ACCSL: variants seen among roughly 807,000 people sequenced by gnomAD.
The protein encoded by ACCSL is probable inactive 1-aminocyclopropane-1-carboxylate synthase-like protein 2.
In ACCSL, 55 loss-of-function variants were observed where a neutral mutation model predicts 61.7. That is an observed-to-expected ratio of 0.89 (90% CI 0.72 to 1.12). The LOEUF is 1.12. Among genes scored for constraint, ACCSL ranks in the 50% most tolerant of loss-of-function variants. ACCSL has a pLI of 0.00. For synonymous variants in ACCSL, 258 were observed against 264.3 expected, an observed-to-expected ratio of 0.98 and a Z score of 0.23; for missense variants, 632 against 698.0, an observed-to-expected ratio of 0.91 and a Z score of 1.07.
At chr11:44,012,253 C>T in the ACCSL span, among the ~76,000 whole-genome samples, 4 of 151,806 alleles carry the variant, frequency 2.6e-5, no homozygotes, top group Non-Finnish European at 5.9e-5. Flanking sequence ...AACAGGCTCT[C>T]TTATATACTC....
At chr11:44,049,670 G>A (rs560456357) in intron 1 of ACCSL, among the ~76,000 whole-genome samples, 1 of 152,262 alleles carries the variant, frequency 6.6e-6, no homozygotes, top group South Asian at 2.1e-4. Context: ...AGGCTCAGGC[G>A]TCAGGTAGGT....
chr11:43,969,838 C>T, the ACCSL span, among the ~76,000 whole-genome samples: 7 of 152,286 alleles, frequency 4.6e-5, no homozygotes, highest in South Asian at 2.1e-4. Flanking sequence ...TGTCAGCACC[C>T]GTCCTCAGCC....
chr11:43,951,096 C>T, the ACCSL span, among the ~76,000 whole-genome samples: 4 of 152,124 alleles, frequency 2.6e-5, no homozygotes, highest in African/African-American at 9.7e-5. Flanking sequence ...TCAACCAAGC[C>T]CATAGCACTA....
At chr11:43,975,137 A>G in the ACCSL span, among the ~76,000 whole-genome samples, 2 of 152,158 alleles carry the variant, frequency 1.3e-5, no homozygotes, top group Non-Finnish European at 2.9e-5. Context: ...GTTCTGAAAA[A>G]ACTGTTTATA....
the ACCSL span, among the ~76,000 whole-genome samples, chr11:43,937,570 C>A: frequency 0.23 from 35,134 of 152,072 alleles, 4,261 homozygotes; most frequent in Middle Eastern, 0.32. Context: ...TTTCCTCCTA[C>A]CCTGTTGAAC....
the ACCSL span, among the ~76,000 whole-genome samples, chr11:44,036,292 T>C: frequency 6.1e-3 from 928 of 152,350 alleles, 3 homozygotes; most frequent in Non-Finnish European, 0.01. Flanking sequence ...GGCCCAGGAA[T>C]CTGTGAAGAG....
At chr11:43,973,618 T>C in the ACCSL span, among the ~76,000 whole-genome samples, 1 of 152,134 alleles carries the variant, frequency 6.6e-6, no homozygotes, top group Non-Finnish European at 1.5e-5. Flanking sequence ...ATTGCATTAA[T>C]ATACAAGGGA....
chr11:43,942,512 C>T, the ACCSL span: 1 of 230,082 alleles, frequency 4.3e-6, no homozygotes, highest in Non-Finnish European at 8.9e-6. Context: ...CCCAGAGCGG[C>T]GGGGCGACGT....
At chr11:43,925,205 T>G in the ACCSL span, 1 of 330,558 alleles carries the variant, frequency 3.0e-6, no homozygotes, top group Non-Finnish European at 6.1e-6. Context: ...GCTGGTGAAC[T>G]CCCGTGCACA....
At chr11:43,957,057 A>C in the ACCSL span, among the ~76,000 whole-genome samples, 1 of 152,162 alleles carries the variant, frequency 6.6e-6, no homozygotes, top group African/African-American at 2.4e-5. Flanking sequence ...CGAAGGAACA[A>C]TCCATCTTGT....
the ACCSL span, among the ~76,000 whole-genome samples, chr11:43,972,362 G>T: frequency 1.3e-5 from 2 of 152,178 alleles, no homozygotes; most frequent in African/African-American, 4.8e-5. Flanking sequence ...TATAGAAATA[G>T]CTCTGGGCTT....
the ACCSL span, among the ~76,000 whole-genome samples, chr11:43,947,949 A>G: frequency 6.6e-6 from 1 of 152,162 alleles, no homozygotes; most frequent in African/African-American, 2.4e-5. Context: ...CTGTCCAAGG[A>G]GTCACCTCTG....
At chr11:44,007,098 A>G in the ACCSL span, among the ~76,000 whole-genome samples, 1 of 151,962 alleles carries the variant, frequency 6.6e-6, no homozygotes, top group Non-Finnish European at 1.5e-5. Flanking sequence ...TGGCGGGACA[A>G]TTTTGCCCAT....
chr11:44,058,299 T>C lies in ACCSL; in HGVS notation c.1328-18T>C. The C allele has an allele frequency of 6.2e-7, 1 of 1,613,890 alleles. No individual in the cohort carries two copies. The highest frequency in any genetic ancestry group is 8.5e-7 in the Non-Finnish European group (1 of 1,179,842). ...CTGTAGTAATATCTGTGACAGTGTTTTTCCTCTACCCATCCAGAATGGATT... is the reference window on the plus strand; with the variant it reads ...CTGTAGTAATATCTGTGACAGTGTTCTTCCTCTACCCATCCAGAATGGATT... On this transcript the variant is annotated intron_variant, in intron 11 of 13. Coordinates refer to ENST00000378832, the MANE Select transcript of ACCSL (RefSeq NM_001031854.2).
upstream of ACCSL, among the ~76,000 whole-genome samples, chr11:44,045,194 T>TA (rs1316628835): frequency 6.6e-6 from 1 of 152,014 alleles, no homozygotes; most frequent in East Asian, 1.9e-4. Flanking sequence ...TCCTAGCACT[T>TA]AGGGAGGCTG....
At chr11:43,929,479 C>T in the ACCSL span, among the ~76,000 whole-genome samples, 2 of 152,128 alleles carry the variant, frequency 1.3e-5, no homozygotes, top group African/African-American at 2.4e-5. Flanking sequence ...ACGATCTTGG[C>T]CCACTGTAAA....
At chr11:43,997,206 G>T in the ACCSL span, among the ~76,000 whole-genome samples, 1 of 151,968 alleles carries the variant, frequency 6.6e-6, no homozygotes, top group African/African-American at 2.4e-5. Flanking sequence ...TTAGAATCTC[G>T]GAGGCGTGGA....
At chr11:43,954,591 T>TC in the ACCSL span, among the ~76,000 whole-genome samples, 3 of 150,188 alleles carry the variant, frequency 2.0e-5, no homozygotes, top group African/African-American at 7.3e-5. Flanking sequence ...TTTCTTTCTT[T>TC]TTTTTTTTTT....
the ACCSL span, among the ~76,000 whole-genome samples, chr11:44,031,549 G>A: frequency 6.6e-6 from 1 of 152,156 alleles, no homozygotes; most frequent in Non-Finnish European, 1.5e-5. Context: ...TTTATTGGAG[G>A]AAACACCTGC....
Sources: gnomAD v4.1 joint callset for allele counts (sites outside exome capture counted in the v4.1 genomes callset) on GRCh38, gnomAD v4.1.1 for gene constraint, MANE v1.5 for transcripts, NCBI Gene and HGNC (gene_info 2026-07-23, HGNC 2026-07-21) for gene names.